JHY: variants seen among roughly 807,000 people sequenced by gnomAD.
JHY encodes jhy protein homolog.
JHY carries 69 observed loss-of-function variants against 78.0 expected under a neutral mutation model. The ratio of observed to expected loss-of-function variants is 0.88; its 90% confidence interval spans 0.73 to 1.08. JHY has a LOEUF of 1.08. Among genes scored for constraint, JHY ranks in the 50% least tolerant of loss-of-function variants. JHY has a pLI of 0.00. For missense variants in JHY, 944 were observed against 927.8 expected (o/e 1.02, Z -0.23); for synonymous variants, 368 against 342.6 (o/e 1.07, Z -0.82).
At chr11:122,924,876 G>C (rs747693012) in intron 3 of JHY, 21 bp from the exon 4 acceptor site, 1 of 1,566,808 alleles carries the variant, frequency 6.4e-7, no homozygotes, top group Middle Eastern at 1.7e-4. Flanking sequence ...TTAACATGCT[G>C]TATGTGTTTT....
At chr11:122,905,596 G>A (rs1019778727) in intron 3 of JHY, 27 of 999,006 alleles carry the variant, frequency 2.7e-5, no homozygotes, top group Admixed American at 2.4e-4. Context: ...CTGGTGGCAC[G>A]TTGGCTCATG....
intron 3 of JHY, among the ~76,000 whole-genome samples, chr11:122,908,807 T>C (rs1863048358): frequency 6.6e-6 from 1 of 152,178 alleles, no homozygotes; most frequent in South Asian, 2.1e-4. Flanking sequence ...CAAGCGATTC[T>C]CCTGCCTCAG....
At chr11:122,940,140 C>T (rs1460956227) in intron 5 of JHY, among the ~76,000 whole-genome samples, 1 of 152,022 alleles carries the variant, frequency 6.6e-6, no homozygotes, top group African/African-American at 2.4e-5. Context: ...GAGTTCGAGA[C>T]CAGCCTGGCC....
At chr11:122,900,726 T>C (rs1379174418) in intron 2 of JHY, among the ~76,000 whole-genome samples, 1 of 152,090 alleles carries the variant, frequency 6.6e-6, no homozygotes. Context: ...TTCGTGTGCA[T>C]AGCTGACAGC....
chr11:122,888,010 T>C (rs1287623948), intron 2 of JHY, among the ~76,000 whole-genome samples: 5 of 150,260 alleles, frequency 3.3e-5, no homozygotes, highest in African/African-American at 1.2e-4. Flanking sequence ...CCTGAGTCTT[T>C]TCTTTCTTTC....
At position 122,946,695 on chromosome 11, in the gene JHY, G is replaced by A. The variant is rs987194161; in HGVS notation, c.1832G>A (p.Ser611Asn). The change falls in exon 6 of 9, where the codon AGC (serine) becomes AAC (asparagine). Residue 611 changes from serine (S) to asparagine (N), a missense_variant. Transcript: ENST00000227349. ...ESESQLSSER[S>N]QRNQVKISRS... is the part of the protein sequence containing the mutation. ...GAATCCCAACTCAGTTCAGAGAGAAGCCAAAGAAACCAAGTGAAAATTAGC... is the reference window on the plus strand; with the variant it reads ...GAATCCCAACTCAGTTCAGAGAGAAACCAAAGAAACCAAGTGAAAATTAGC... The A allele has an allele frequency of 6.2e-7, 1 of 1,614,060 alleles. No individual in the cohort carries two copies. Among genetic ancestry groups the A allele is most frequent in the Non-Finnish European group, 8.5e-7 (1 of 1,179,990 alleles).
At chr11:122,931,336 A>G (rs1314219543) in intron 4 of JHY, among the ~76,000 whole-genome samples, 1 of 152,238 alleles carries the variant, frequency 6.6e-6, no homozygotes, top group Non-Finnish European at 1.5e-5. Context: ...TGATAGTATT[A>G]AAGATATATA....
chr11:122,884,457 G>A (rs1169907743), intron 1 of JHY, among the ~76,000 whole-genome samples: 1 of 152,026 alleles, frequency 6.6e-6, no homozygotes, highest in Non-Finnish European at 1.5e-5. Flanking sequence ...AAAAAAATGG[G>A]TATAAAGGCA....
chr11:122,960,452 C>T lies in JHY; in HGVS notation c.*1007C>T. On this transcript the variant is annotated 3_prime_UTR_variant, in exon 9 of 9. Transcript: ENST00000227349. ...TTCACACAGGGAAGCCACTCCTTGC[C>T]CCTCTACCACCTCTTCCTTCCTTTT... The T allele has an allele frequency of 4.2e-6, 1 of 235,628 alleles. No homozygotes were observed. Among genetic ancestry groups the T allele is most frequent in the East Asian group, 1.0e-4 (1 of 9,526 alleles). 14.6% of individuals were successfully genotyped at this position (235,628 alleles called of 1,614,324 possible).
intron 6 of JHY, among the ~76,000 whole-genome samples, chr11:122,955,255 G>A (rs61904389): frequency 6.6e-6 from 1 of 151,996 alleles, no homozygotes; most frequent in South Asian, 2.1e-4. Flanking sequence ...CGAGTAGCTG[G>A]GATTACAGGT....
intron 3 of JHY, among the ~76,000 whole-genome samples, chr11:122,915,058 T>A (rs886710262): frequency 2.6e-5 from 4 of 151,924 alleles, no homozygotes; most frequent in African/African-American, 4.8e-5. Flanking sequence ...GAAAAAAAAA[T>A]TTTCCACATA....
intron 4 of JHY, among the ~76,000 whole-genome samples, chr11:122,929,662 T>C (rs1863595592): frequency 6.6e-6 from 1 of 152,190 alleles, no homozygotes; most frequent in South Asian, 2.1e-4. Flanking sequence ...AACTCATGTA[T>C]ATGGAAGGCT....
chr11:122,885,698 A>T, intron 1 of JHY, 63 bp from the exon 2 acceptor site: 1 of 609,758 alleles, frequency 1.6e-6, no homozygotes, highest in Non-Finnish European at 2.8e-6. Context: ...TAAATATTTG[A>T]TTAACGTTGA....
At chr11:122,924,098 C>A (rs939972062) in intron 3 of JHY, among the ~76,000 whole-genome samples, 4 of 151,794 alleles carry the variant, frequency 2.6e-5, no homozygotes, top group African/African-American at 7.3e-5. Context: ...TCTGGGGCCA[C>A]CCCCAGAGCT....
intron 6 of JHY, among the ~76,000 whole-genome samples, chr11:122,952,661 G>C (rs1198718323): frequency 6.6e-6 from 1 of 152,184 alleles, no homozygotes; most frequent in Non-Finnish European, 1.5e-5. Context: ...GGAGAGTACT[G>C]GGCAATTATT....
At chr11:122,949,562 C>T (rs1217299210) in intron 6 of JHY, among the ~76,000 whole-genome samples, 2 of 152,096 alleles carry the variant, frequency 1.3e-5, no homozygotes, top group Non-Finnish European at 2.9e-5. Context: ...TATGACCCCA[C>T]CCCAATCCTG....
intron 6 of JHY, 77 bp downstream of exon 6, chr11:122,946,869 T>C: frequency 6.7e-7 from 1 of 1,500,288 alleles, no homozygotes; most frequent in African/African-American, 1.4e-5. Context: ...ATTATAGCCC[T>C]GGAATAGGGA....
chr11:122,893,614 A>G (rs1232815514), intron 2 of JHY, among the ~76,000 whole-genome samples: 3 of 152,250 alleles, frequency 2.0e-5, no homozygotes, highest in African/African-American at 7.2e-5. Context: ...GAAGATCATA[A>G]TGAAATGACT....
rs143947311 is a variant in JHY, at chr11:122,948,661, A to G, written c.1929+1869A>G. ...TTAATTAATAATAAAAGTAATAATA[A>G]TAATGTAGGCATGCATGGGGAGCAC... On this transcript the variant is annotated intron_variant, in intron 6 of 8. Transcript: ENST00000227349. 8.1e-3 allele frequency among the ~76,000 whole-genome samples: 1,228 copies of G among 151,870 alleles called. 4 individuals are homozygous for G. The highest frequency in any genetic ancestry group is 0.017 in the Middle Eastern group (5 of 294).
Sources: allele counts gnomAD v4.1 joint callset (sites outside exome capture counted in the v4.1 genomes callset), GRCh38; gene constraint gnomAD v4.1.1; transcripts MANE v1.5; gene names NCBI Gene and HGNC (gene_info 2026-07-23, HGNC 2026-07-21).